The following ACACA variants were observed in gnomAD, a reference collection of about 807,000 sequenced individuals.
The protein encoded by ACACA is acetyl-CoA carboxylase alpha.
In ACACA, 103 loss-of-function variants were observed where a neutral mutation model predicts 296.1. The ratio of observed to expected loss-of-function variants is 0.35; its 90% CI spans 0.30 to 0.41. The LOEUF is 0.41. Among genes scored for constraint, ACACA ranks in the 10% least tolerant of loss-of-function variants. The probability of loss-of-function intolerance (pLI) is 1.00; values close to 1 mark genes in which losing one functional copy is unlikely to be tolerated. For synonymous variants in ACACA, 953 were observed against 1,038.6 expected, an observed-to-expected ratio of 0.92 and a Z score of 1.58; for missense variants, 1,554 against 2,989.7, an observed-to-expected ratio of 0.52 and a Z score of 11.20.
chr17:37,386,318 G>A (rs2050527729), intron 1 of ACACA, among the ~76,000 whole-genome samples: 1 of 152,088 alleles, frequency 6.6e-6, no homozygotes, highest in South Asian at 2.1e-4. Flanking sequence ...TAGGCCGGGT[G>A]CTGTGGCTCA....
chr17:37,400,110 TTTTG>T (rs1047423090), intron 1 of ACACA, among the ~76,000 whole-genome samples: 38 of 152,014 alleles, frequency 2.5e-4, no homozygotes, highest in African/African-American at 5.5e-4. Flanking sequence ...ATATATATAT[TTTTG>T]TTTGTTTGTT....
intron 41 of ACACA, chr17:37,163,195 C>T (rs2076532549): frequency 2.3e-5 from 1 of 42,826 alleles, no homozygotes; most frequent in Admixed American, 3.4e-4. Flanking sequence ...TGTCACGGTG[C>T]TAAAAAAAAA....
At chr17:37,170,594 G>A (rs975149800) in intron 41 of ACACA, among the ~76,000 whole-genome samples, 10 of 152,142 alleles carry the variant, frequency 6.6e-5, no homozygotes, top group Non-Finnish European at 1.0e-4. Flanking sequence ...TAACACCAGC[G>A]ATACAGAAAG....
intron 25 of ACACA, among the ~76,000 whole-genome samples, chr17:37,230,000 G>T (rs1331270313): frequency 6.6e-6 from 1 of 152,114 alleles, no homozygotes; most frequent in African/African-American, 2.4e-5. Flanking sequence ...GGTGGAGGTT[G>T]CAGTGAGCTG....
In ACACA at chr17:37,404,270, A is replaced by C. The variant is rs544533916; in HGVS notation, c.38+1992T>G. Among the ~76,000 whole-genome samples the C allele has an allele frequency of 2.1e-3, 316 of 152,314 alleles. 5 individuals carry two copies. Among genetic ancestry groups the C allele is most frequent in the Non-Finnish European group, 9.1e-4 (62 of 68,026 alleles). On this transcript the variant is annotated intron_variant, in intron 1 of 55. Transcript: ENST00000616317. ...GTCCTAAATGACTGACCCCACTTCCACTATGTGAAGTTGAGAGTGGTTGTA... is the reference window on the plus strand; with the variant it reads ...GTCCTAAATGACTGACCCCACTTCCCCTATGTGAAGTTGAGAGTGGTTGTA...
In ACACA at chr17:37,242,039, T is replaced by C. The variant is rs1567868259; in HGVS notation, c.2946A>G (p.Leu982=). The C allele has an allele frequency of 5.6e-6, 9 of 1,613,870 alleles. No homozygotes were observed. The highest frequency in any genetic ancestry group is 7.6e-6 in the Non-Finnish European group (9 of 1,179,922). ...QFPSQQIANI[L]DSHAATLNRK... ...GGTTCAATGTAGCTGCATGGCTATCTAGGATGTTTGCAATCTAAGGTATAA... is the reference window on the plus strand; with the variant it reads ...GGTTCAATGTAGCTGCATGGCTATCCAGGATGTTTGCAATCTAAGGTATAA... The change falls in exon 23 of 56, where the codon CTA becomes CTG. Residue 982 remains leucine, a synonymous_variant. Transcript: ENST00000616317.
At chr17:37,331,494 C>T (rs959548321) in intron 2 of ACACA, among the ~76,000 whole-genome samples, 5 of 151,888 alleles carry the variant, frequency 3.3e-5, no homozygotes, top group Non-Finnish European at 5.9e-5. Context: ...CTGCAACCTC[C>T]GCCTCCCGGG....
intron 3 of ACACA, chr17:37,299,547 C>CGAGA: frequency 1.4e-6 from 2 of 1,415,684 alleles, no homozygotes; most frequent in Non-Finnish European, 1.8e-6. Context: ...CCCCACCTTT[C>CGAGA]TCTTCCTTTT....
At chr17:37,196,087 C>CA (rs1465695915) in intron 35 of ACACA, among the ~76,000 whole-genome samples, 7 of 151,846 alleles carry the variant, frequency 4.6e-5, no homozygotes, top group African/African-American at 1.2e-4. Flanking sequence ...AAACCTGCAA[C>CA]AAAAAACATC....
intron 1 of ACACA, among the ~76,000 whole-genome samples, chr17:37,382,764 A>G (rs1310552343): frequency 1.3e-5 from 2 of 152,246 alleles, no homozygotes; most frequent in African/African-American, 2.4e-5. Flanking sequence ...GGAGGCTGAG[A>G]CAGAAGAATA....
intron 41 of ACACA, among the ~76,000 whole-genome samples, chr17:37,173,062 C>G (rs754934535): frequency 9.2e-5 from 14 of 152,136 alleles, no homozygotes; most frequent in Non-Finnish European, 2.1e-4. Flanking sequence ...AAAGTACATC[C>G]AAATTAGCAT....
rs757641758 is a variant in ACACA, at chr17:37,263,928, T to C, written c.1120-34A>G. The C allele has an allele frequency of 1.9e-6, 3 of 1,581,386 alleles. No homozygotes were observed. The South Asian group carries it at 3.3e-5, about 18-fold the overall frequency. On this transcript the variant is annotated intron_variant, in intron 10 of 55. Transcript: ENST00000616317. ...GAAAAGGGGGAAAAAAAAAACCAATTCTTAAATTTTAAACTTTTTATCTAT... is the reference window on the plus strand; with the variant it reads ...GAAAAGGGGGAAAAAAAAAACCAATCCTTAAATTTTAAACTTTTTATCTAT...
chr17:37,151,198 A>T (rs1198059785), intron 44 of ACACA, 103 bp downstream of exon 44: 2 of 1,329,474 alleles, frequency 1.5e-6, no homozygotes, highest in Non-Finnish European at 2.1e-6. Context: ...TACAATCTTC[A>T]AGAAATGCTC....
At chr17:37,314,751 C>T (rs2047007063) in intron 3 of ACACA, among the ~76,000 whole-genome samples, 1 of 150,652 alleles carries the variant, frequency 6.6e-6, no homozygotes, top group Admixed American at 6.7e-5. Flanking sequence ...AGTGATTCTC[C>T]TGCCTCAGCC....
At chr17:37,087,606 G>A (rs1028036852) in intron 55 of ACACA, among the ~76,000 whole-genome samples, 167 bp from the exon 56 acceptor site, 5 of 152,222 alleles carry the variant, frequency 3.3e-5, no homozygotes, top group South Asian at 4.1e-4. Context: ...CCAAGGTAGT[G>A]CAAGACAAAC....
intron 45 of ACACA, among the ~76,000 whole-genome samples, chr17:37,132,138 G>C (rs895575663): frequency 3.3e-5 from 5 of 152,158 alleles, no homozygotes; most frequent in African/African-American, 1.2e-4. Flanking sequence ...CCTCATGAAG[G>C]CAGGAGCACA....
At chr17:37,391,284 T>G (rs1166658143) in intron 1 of ACACA, among the ~76,000 whole-genome samples, 1 of 152,178 alleles carries the variant, frequency 6.6e-6, no homozygotes, top group Admixed American at 6.6e-5. Context: ...ATTATCTCAT[T>G]TGAGCCTTAC....
intron 18 of ACACA, 135 bp downstream of exon 18, chr17:37,247,876 G>A (rs1269004185): frequency 5.1e-6 from 5 of 983,494 alleles, no homozygotes; most frequent in Admixed American, 2.3e-5. Flanking sequence ...TTTTTGTTAA[G>A]TGCATGTACT....
chr17:37,158,334 A>G (rs1490617150), intron 42 of ACACA, among the ~76,000 whole-genome samples: 1 of 152,158 alleles, frequency 6.6e-6, no homozygotes, highest in East Asian at 1.9e-4. Context: ...TAAAGCTTTA[A>G]AAGACTGGAT....
Sources: gnomAD v4.1 joint callset for allele counts (sites outside exome capture counted in the v4.1 genomes callset) on GRCh38, gnomAD v4.1.1 for gene constraint, MANE v1.5 for transcripts, NCBI Gene and HGNC (gene_info 2026-07-23, HGNC 2026-07-21) for gene names.